PDE11A: variants seen among roughly 807,000 people sequenced by gnomAD.
PDE11A encodes phosphodiesterase 11A.
A neutral mutation model predicts 100.5 loss-of-function variants in PDE11A; 100 were observed. The observed-to-expected ratio is 1.00, with a 90% CI of 0.85 to 1.18. The LOEUF is 1.18. Among genes scored for constraint, PDE11A ranks in the 50% most tolerant of loss-of-function variants. The probability of loss-of-function intolerance (pLI) is 0.00; values close to 1 mark genes in which losing one functional copy is unlikely to be tolerated. For missense variants in PDE11A, 1,141 were observed against 1,152.6 expected (o/e 0.99, Z 0.15); for synonymous variants, 381 against 420.8 (o/e 0.91, Z 1.16).
intron 6 of PDE11A, among the ~76,000 whole-genome samples, chr2:177,839,757 T>G (rs1425109491): frequency 6.6e-6 from 1 of 152,212 alleles, no homozygotes; most frequent in South Asian, 2.1e-4. Flanking sequence ...AGAGTACACA[T>G]ATGTACATAG....
intron 10 of PDE11A, among the ~76,000 whole-genome samples, chr2:177,766,501 T>C (rs935837879): frequency 9.8e-5 from 15 of 152,332 alleles, no homozygotes; most frequent in Admixed American, 5.9e-4. Context: ...AAAAAAGTAC[T>C]GCAGGTAGGA....
At chr2:177,649,467 G>T (rs190002626) in intron 19 of PDE11A, among the ~76,000 whole-genome samples, 80 of 152,168 alleles carry the variant, frequency 5.3e-4, no homozygotes, top group African/African-American at 1.9e-3. Flanking sequence ...TCTGCATGGA[G>T]ACTGAAAAAG....
chr2:177,795,961 A>ATC (rs1243614765), intron 9 of PDE11A, among the ~76,000 whole-genome samples: 1 of 126,510 alleles, frequency 7.9e-6, no homozygotes, highest in Non-Finnish European at 1.6e-5. Context: ...ATATATATAT[A>ATC]TATATATATA....
intron 19 of PDE11A, among the ~76,000 whole-genome samples, chr2:177,631,502 A>T (rs1239267573): frequency 1.8e-4 from 5 of 28,140 alleles, no homozygotes; most frequent in Non-Finnish European, 2.8e-4. Flanking sequence ...AAAAAAAAAA[A>T]AAAAAAAAAA....
chr2:177,847,889 C>T (rs2083628568), intron 5 of PDE11A, among the ~76,000 whole-genome samples: 1 of 152,182 alleles, frequency 6.6e-6, no homozygotes, highest in African/African-American at 2.4e-5. Flanking sequence ...TGCCCATTCA[C>T]ATTAGACGAG....
At chr2:177,845,575 C>A (rs1017037290) in intron 5 of PDE11A, among the ~76,000 whole-genome samples, 1 of 152,026 alleles carries the variant, frequency 6.6e-6, no homozygotes, top group African/African-American at 2.4e-5. Flanking sequence ...GGGCTCCTCA[C>A]ATCTCAGACG....
intron 4 of PDE11A, among the ~76,000 whole-genome samples, chr2:177,893,611 ATTT>A (rs1297796448): frequency 6.6e-6 from 1 of 152,090 alleles, no homozygotes; most frequent in Non-Finnish European, 1.5e-5. Flanking sequence ...TTTTCCTGAA[ATTT>A]TTGTTTTATG....
chr2:177,968,047 C>T (rs1293070660), intron 2 of PDE11A, among the ~76,000 whole-genome samples: 1 of 152,156 alleles, frequency 6.6e-6, no homozygotes, highest in African/African-American at 2.4e-5. Context: ...TTTCAATATC[C>T]ATGCTTTTAA....
At chr2:177,997,476 G>A (rs568085705) in intron 2 of PDE11A, 1 of 816,484 alleles carries the variant, frequency 1.2e-6, no homozygotes, top group East Asian at 2.4e-5. Flanking sequence ...GGAGGAATGT[G>A]GAAGAGATCC....
At chr2:178,060,740 T>A (rs773932612) in intron 1 of PDE11A, among the ~76,000 whole-genome samples, 1 of 152,086 alleles carries the variant, frequency 6.6e-6, no homozygotes, top group Non-Finnish European at 1.5e-5. Context: ...CTCTGAGCAA[T>A]CTCCTATGAT....
intron 1 of PDE11A, among the ~76,000 whole-genome samples, chr2:178,058,800 A>C (rs2086930553): frequency 6.6e-6 from 1 of 152,180 alleles, no homozygotes; most frequent in Non-Finnish European, 1.5e-5. Context: ...AAATTAAAGC[A>C]ACCAAAACTG....
chr2:177,963,766 T>C (rs187202926), intron 2 of PDE11A, among the ~76,000 whole-genome samples: 69 of 152,304 alleles, frequency 4.5e-4, no homozygotes, highest in African/African-American at 1.7e-3. Context: ...CAAATAAAAC[T>C]TGAGGATGGG....
At chr2:177,786,860 C>T (rs1235890791) in intron 9 of PDE11A, among the ~76,000 whole-genome samples, 1 of 151,976 alleles carries the variant, frequency 6.6e-6, no homozygotes, top group Non-Finnish European at 1.5e-5. Flanking sequence ...AAGAAACGAA[C>T]AAAGCCTCCA....
intron 10 of PDE11A, among the ~76,000 whole-genome samples, chr2:177,728,829 A>G (rs1202669838): frequency 6.6e-6 from 1 of 152,196 alleles, no homozygotes; most frequent in South Asian, 2.1e-4. Flanking sequence ...CAACATAATT[A>G]CAATACTGGT....
At chr2:178,025,114 C>T (rs2086462853) in intron 1 of PDE11A, among the ~76,000 whole-genome samples, 1 of 152,140 alleles carries the variant, frequency 6.6e-6, no homozygotes, top group South Asian at 2.1e-4. Flanking sequence ...TGCAGAATTT[C>T]ATTGCTGTAC....
At position 177,840,370 on chromosome 2, in the gene PDE11A, T is replaced by C. The variant is rs1277892308; in HGVS notation, c.1381A>G (p.Met461Val). The C allele has an allele frequency of 2.2e-5, 35 of 1,613,808 alleles. No individual in the cohort carries two copies. Among genetic ancestry groups the C allele is most frequent in the Non-Finnish European group, 2.6e-5 (31 of 1,179,810 alleles). The stretch of plus-strand genomic sequence containing the variant: ...CAGTCGGAGTATGATGATTTCTCCA[T>C]GCTTTCTTTGAAACTATCAGAGCAC... ...ADAENSFKES[M>V]EKSSYSDWLI... Residue 461 changes from methionine (M) to valine (V), a missense_variant, in exon 6 of 20, where the codon ATG becomes GTG. Transcript: ENST00000286063.
chr2:177,897,958 A>C (rs2084635095), intron 4 of PDE11A, 100 bp downstream of exon 4: 1 of 1,015,412 alleles, frequency 9.8e-7, no homozygotes, highest in African/African-American at 1.6e-5. Context: ...AGAGTCACGA[A>C]GAGTGAATCA....
chr2:177,638,192 G>C (rs1277140546), intron 19 of PDE11A, among the ~76,000 whole-genome samples: 1 of 151,414 alleles, frequency 6.6e-6, no homozygotes, highest in African/African-American at 2.4e-5. Flanking sequence ...GTAGAGACAG[G>C]GTTTCACCGT....
intron 2 of PDE11A, among the ~76,000 whole-genome samples, chr2:177,928,790 G>A (rs2085166517): frequency 6.6e-6 from 1 of 152,022 alleles, no homozygotes; most frequent in Non-Finnish European, 1.5e-5. Context: ...TTGGGTGTGG[G>A]AGGTCAAGGT....
Sources: gnomAD v4.1 joint callset for allele counts (sites outside exome capture counted in the v4.1 genomes callset) on GRCh38, gnomAD v4.1.1 for gene constraint, MANE v1.5 for transcripts, NCBI Gene and HGNC (gene_info 2026-07-23, HGNC 2026-07-21) for gene names.